The following L3MBTL4 variants were observed in gnomAD, a reference collection of about 807,000 sequenced individuals.
L3MBTL4 encodes L3MBTL histone methyl-lysine binding protein 4.
Under a neutral mutation model 84.5 loss-of-function variants are expected in L3MBTL4, and 70 were observed. That is an observed-to-expected ratio of 0.83 (90% CI 0.68 to 1.01). The LOEUF (loss-of-function observed/expected upper bound fraction) is 1.01, where lower values mean the gene tolerates loss of function less well. Ranked by LOEUF, L3MBTL4 falls within the 50% of genes least tolerant of loss-of-function variation. The pLI is 0.00. For missense variants in L3MBTL4, 715 were observed against 754.8 expected (o/e 0.95, Z 0.62); for synonymous variants, 274 against 259.8 (o/e 1.05, Z -0.52).
At chr18:6,113,580 T>C (rs1283474776) in intron 14 of L3MBTL4, among the ~76,000 whole-genome samples, 1 of 152,110 alleles carries the variant, frequency 6.6e-6, no homozygotes, top group Non-Finnish European at 1.5e-5. Context: ...GTGGCTCCTG[T>C]AGGCTCCTTT....
intron 14 of L3MBTL4, among the ~76,000 whole-genome samples, chr18:6,129,811 C>G (rs929188909): frequency 6.6e-6 from 1 of 152,098 alleles, no homozygotes; most frequent in South Asian, 2.1e-4. Flanking sequence ...TGTGGCCTAA[C>G]GGTAGAGTTT....
At chr18:6,405,394 C>A (rs985403843) in intron 1 of L3MBTL4, among the ~76,000 whole-genome samples, 18 of 152,240 alleles carry the variant, frequency 1.2e-4, no homozygotes, top group African/African-American at 4.1e-4. Context: ...TGCAGCCCTG[C>A]CGCTCTGCGA....
rs2056088291 is a variant in L3MBTL4, at chr18:6,414,128, G to A, written c.-91+673C>T. ...GCCGGCGCGCCCCCCGCAGTTCCAG[G>A]CGGTGGCAGGAGCCTGAGAGCCGCC... On this transcript the variant is annotated intron_variant, in intron 1 of 18. Transcript: ENST00000317931. The surrounding 1 kb of genome is among the most constrained non-coding windows in gnomAD (Gnocchi z 5.4). 6.6e-6 allele frequency: 1 copy of A among 152,292 alleles called. No individual in the cohort carries two copies. The highest frequency in any genetic ancestry group is 2.4e-5 in the African/African-American group (1 of 41,468). The allele number at this position is 152,292 out of a possible 1,614,324, so 9.4% of individuals were successfully genotyped here.
chr18:6,191,452 T>G (rs2045083154), intron 12 of L3MBTL4, among the ~76,000 whole-genome samples: 1 of 152,050 alleles, frequency 6.6e-6, no homozygotes, highest in East Asian at 1.9e-4. Flanking sequence ...TTGCTTGAGA[T>G]GGAGGAGGTA....
intron 1 of L3MBTL4, among the ~76,000 whole-genome samples, chr18:6,321,409 A>G (rs189053219): frequency 1.8e-4 from 28 of 152,248 alleles, no homozygotes; most frequent in African/African-American, 6.5e-4. Flanking sequence ...CCCATCAAAA[A>G]CAATAGATGT....
intron 1 of L3MBTL4, among the ~76,000 whole-genome samples, chr18:6,347,011 T>A (rs1028802381): frequency 2.6e-5 from 4 of 152,044 alleles, no homozygotes; most frequent in Non-Finnish European, 5.9e-5. Flanking sequence ...AAGAAGGAAA[T>A]CCTGCCATTT....
chr18:6,079,709 C>CT (rs893733946), intron 16 of L3MBTL4, among the ~76,000 whole-genome samples: 12 of 151,332 alleles, frequency 7.9e-5, no homozygotes, highest in Admixed American at 6.6e-4. Context: ...AACACTGGCA[C>CT]TTTTTTTTTA....
At chr18:6,279,474 A>T (rs1353826244) in intron 4 of L3MBTL4, among the ~76,000 whole-genome samples, 1 of 152,192 alleles carries the variant, frequency 6.6e-6, no homozygotes, top group Non-Finnish European at 1.5e-5. Flanking sequence ...TGAATGCTGA[A>T]CAGAATTCCT....
intron 1 of L3MBTL4, among the ~76,000 whole-genome samples, chr18:6,391,752 A>AACTACT (rs139560897): frequency 1.6e-4 from 24 of 150,006 alleles, no homozygotes; most frequent in East Asian, 7.8e-4. Flanking sequence ...CAACAACAAC[A>AACTACT]ACTACTACTA....
intron 15 of L3MBTL4, among the ~76,000 whole-genome samples, chr18:6,084,860 A>G (rs1334441925): frequency 6.6e-6 from 1 of 152,216 alleles, no homozygotes; most frequent in East Asian, 1.9e-4. Context: ...ATTTTATCAC[A>G]GGAAACACAG....
At position 6,084,982 on chromosome 18, in the gene L3MBTL4, C is replaced by A. The variant is rs2143407698; in HGVS notation, c.1374-4031G>T. 1.3e-5 allele frequency among the ~76,000 whole-genome samples: 2 copies of A among 152,238 alleles called. 1 individual carries two copies. Among genetic ancestry groups the A allele is most frequent in the South Asian group, 4.1e-4 (2 of 4,824 alleles). On this transcript the variant is annotated intron_variant, in intron 15 of 18. Coordinates refer to ENST00000317931, the MANE Select transcript of L3MBTL4 (RefSeq NM_001330559.2). ...GGACAAATTATGGGGCCTGCACAAG[C>A]TTTCTATGTTCCCACGCATGTGTGT...
At chr18:6,358,767 C>T (rs563217020) in intron 1 of L3MBTL4, among the ~76,000 whole-genome samples, 5 of 152,262 alleles carry the variant, frequency 3.3e-5, no homozygotes, top group African/African-American at 7.2e-5. Flanking sequence ...CCCTTTTGCA[C>T]GTGGAAAGCA....
chr18:6,092,962 C>T (rs1055015876), intron 15 of L3MBTL4, among the ~76,000 whole-genome samples: 7 of 152,040 alleles, frequency 4.6e-5, no homozygotes, highest in Non-Finnish European at 8.8e-5. Context: ...AGATAAGAGA[C>T]GAAATCTTGA....
At position 5,977,354 on chromosome 18, in the gene L3MBTL4, TCTC is replaced by T. The variant is rs1243896304; in HGVS notation, c.1445-7795_1445-7793del. Reference sequence around the variant, plus strand: ...TTCCACTCACCTCTGCACATCTCTGTCTCCTTCCTTGGTTCCATCCAGGAACTG... The same window carrying T: ...TTCCACTCACCTCTGCACATCTCTGTCTTCCTTGGTTCCATCCAGGAACTG... On this transcript the variant is annotated intron_variant, in intron 16 of 18. Coordinates refer to ENST00000317931, the MANE Select transcript of L3MBTL4 (RefSeq NM_001330559.2). Among the ~76,000 whole-genome samples, 7 of 152,238 alleles carry T rather than the reference TCTC, an allele frequency of 4.6e-5. No homozygotes were observed. The East Asian group carries it at 1.4e-3, about 30-fold the overall frequency.
intron 5 of L3MBTL4, among the ~76,000 whole-genome samples, chr18:6,250,297 CACAA>C (rs764778753): frequency 2.0e-5 from 3 of 152,090 alleles, no homozygotes; most frequent in Non-Finnish European, 4.4e-5. Flanking sequence ...AAAACAAACA[CACAA>C]ACAAAACACC....
chr18:6,333,466 G>A (rs553568338), intron 1 of L3MBTL4, among the ~76,000 whole-genome samples: 2 of 151,852 alleles, frequency 1.3e-5, no homozygotes, highest in South Asian at 2.1e-4. Context: ...TCCCAGCTAC[G>A]TGGGAGGCTG....
chr18:6,107,964 A>C (rs1288437874), intron 14 of L3MBTL4, among the ~76,000 whole-genome samples: 2 of 152,164 alleles, frequency 1.3e-5, no homozygotes, highest in Non-Finnish European at 2.9e-5. Context: ...AACAGGATTA[A>C]CCACTTGAGC....
intron 4 of L3MBTL4, among the ~76,000 whole-genome samples, chr18:6,299,825 A>C (rs1478297015): frequency 2.0e-5 from 3 of 152,078 alleles, no homozygotes; most frequent in Non-Finnish European, 2.9e-5. Flanking sequence ...GCACACCACC[A>C]GACCCGGCTA....
chr18:6,118,179 T>C (rs990292262), intron 14 of L3MBTL4, among the ~76,000 whole-genome samples: 1 of 97,166 alleles, frequency 1.0e-5, no homozygotes, highest in Non-Finnish European at 2.1e-5. Context: ...TCACTCTCTC[T>C]CTCTCTCTCT....
Sources: gnomAD v4.1 joint callset for allele counts (sites outside exome capture counted in the v4.1 genomes callset) on GRCh38, gnomAD v4.1.1 for gene constraint, Gnocchi (gnomAD v3.1) non-coding constraint, MANE v1.5 for transcripts, NCBI Gene and HGNC (gene_info 2026-07-23, HGNC 2026-07-21) for gene names.